Variants in TRHDE observed in about 807,000 individuals in gnomAD.
The protein encoded by TRHDE is thyrotropin releasing hormone degrading enzyme, also known as thyrotropin-releasing hormone-degrading ectoenzyme.
TRHDE carries 72 observed loss-of-function variants against 125.7 expected under a neutral mutation model. The ratio of observed to expected loss-of-function variants is 0.57; its 90% CI spans 0.47 to 0.70. TRHDE has a LOEUF of 0.70. Among genes scored for constraint, TRHDE ranks in the 30% least tolerant of loss-of-function variants. The pLI is 0.00. For synonymous variants in TRHDE, 509 were observed against 509.1 expected, an observed-to-expected ratio of 1.00 and a Z score of 0.00; for missense variants, 1,110 against 1,327.1, an observed-to-expected ratio of 0.84 and a Z score of 2.54.
intron 2 of TRHDE, among the ~76,000 whole-genome samples, chr12:72,125,414 G>T (rs2139304068): frequency 6.6e-6 from 1 of 152,028 alleles, no homozygotes; most frequent in African/African-American, 2.4e-5. Context: ...TGGACCTCAG[G>T]TGCCCATGAT....
rs142744130 is a variant in TRHDE at position 72,146,721 on chromosome 12, C to G, written n.279+40969C>G. On this transcript the variant is annotated intron_variant and non_coding_transcript_variant, in intron 2 of 4. Coordinates refer to the TRHDE transcript ENST00000548156. The stretch of plus-strand genomic sequence containing the variant: ...TGTTACAAAGCTCTTTCAGCTTTGC[C>G]GTCCGCAGACGGCTTCAGTGTTAAT... 4.9e-3 allele frequency among the ~76,000 whole-genome samples: 753 copies of G among 152,292 alleles called. 4 individuals carry two copies. The highest frequency in any genetic ancestry group is 8.5e-3 in the Non-Finnish European group (577 of 68,022).
intron 3 of TRHDE, among the ~76,000 whole-genome samples, chr12:72,454,362 C>G (rs923222301): frequency 3.9e-5 from 6 of 152,008 alleles, no homozygotes; most frequent in Admixed American, 3.9e-4. Context: ...ATTGTTTAAA[C>G]TAATATAATT....
intron 5 of TRHDE, among the ~76,000 whole-genome samples, chr12:72,492,644 A>G (rs1592487366): frequency 6.6e-6 from 1 of 151,882 alleles, no homozygotes; most frequent in African/African-American, 2.4e-5. Context: ...ACAAGAAGGA[A>G]AAACACCAAC....
intron 2 of TRHDE, among the ~76,000 whole-genome samples, chr12:72,293,429 C>G (rs149791187): frequency 2.2e-3 from 336 of 152,230 alleles, no homozygotes; most frequent in Admixed American, 7.3e-3. Flanking sequence ...TACAGATGGA[C>G]CTAGGGCTTG....
chr12:72,469,615 G>T lies in TRHDE; in HGVS notation c.1316-143G>T, dbSNP rs147477507. On this transcript the variant is annotated intron_variant, in intron 3 of 18. Transcript: ENST00000261180. ...ATATTTCTGCTGTCATGTAAAAATG[G>T]CAAGTAGTTTAATTTGCCAAAAAAA... 42 of 754,960 alleles carry T rather than the reference G, an allele frequency of 5.6e-5. 1 individual carries two copies. The East Asian group carries it at 9.0e-4, about 16-fold the overall frequency. The allele number at this position is 754,960 out of a possible 1,614,324, so 46.8% of individuals were successfully genotyped here. A position where few individuals can be genotyped will look rare whatever the true frequency, so the allele number is the denominator to read the frequency against.
chr12:72,384,491 A>T (rs2135784021), intron 3 of TRHDE, among the ~76,000 whole-genome samples: 1 of 152,312 alleles, frequency 6.6e-6, no homozygotes, highest in African/African-American at 2.4e-5. Flanking sequence ...TGAAAGAGGG[A>T]TCATTGTACA....
At chr12:72,209,075 C>T (rs1877725130) in intron 2 of TRHDE, among the ~76,000 whole-genome samples, 1 of 152,176 alleles carries the variant, frequency 6.6e-6, no homozygotes, top group South Asian at 2.1e-4. Context: ...GAGGATCTTC[C>T]ACATGTCTTC....
At chr12:72,481,115 C>G (rs541290828) in intron 5 of TRHDE, among the ~76,000 whole-genome samples, 9 of 152,084 alleles carry the variant, frequency 5.9e-5, no homozygotes, top group Admixed American at 4.6e-4. Flanking sequence ...CATTAATTTT[C>G]TAATTATTAA....
At chr12:72,231,977 T>A (rs1354657472) in intron 2 of TRHDE, among the ~76,000 whole-genome samples, 1 of 152,210 alleles carries the variant, frequency 6.6e-6, no homozygotes, top group African/African-American at 2.4e-5. Context: ...TGTTGAGGAA[T>A]AAAATGAATT....
At chr12:72,659,247 T>C (rs1365445168) in intron 18 of TRHDE, among the ~76,000 whole-genome samples, 1 of 152,230 alleles carries the variant, frequency 6.6e-6, no homozygotes, top group Non-Finnish European at 1.5e-5. Flanking sequence ...TTCCTTTTAA[T>C]TTTAATTGCA....
intron 2 of TRHDE, among the ~76,000 whole-genome samples, chr12:72,202,896 A>G (rs1877588947): frequency 6.6e-6 from 1 of 151,434 alleles, no homozygotes; most frequent in South Asian, 2.1e-4. Flanking sequence ...TTCTTTTTTT[A>G]TGTTTCCCAT....
chr12:72,429,518 A>G (rs1157462634), intron 3 of TRHDE, among the ~76,000 whole-genome samples: 1 of 151,782 alleles, frequency 6.6e-6, no homozygotes, highest in Non-Finnish European at 1.5e-5. Context: ...GTGGATATGT[A>G]TTTTCATTGT....
At chr12:72,655,821 A>G (rs1477859510) in intron 17 of TRHDE, among the ~76,000 whole-genome samples, 3 of 152,142 alleles carry the variant, frequency 2.0e-5, no homozygotes, top group Non-Finnish European at 2.9e-5. Context: ...GATCACTTAC[A>G]TTATTATTGA....
At chr12:72,411,083 G>A (rs1478208136) in intron 3 of TRHDE, among the ~76,000 whole-genome samples, 1 of 151,566 alleles carries the variant, frequency 6.6e-6, no homozygotes, top group African/African-American at 2.4e-5. Context: ...GGCACCTGTA[G>A]TCCCAGCTAC....
At chr12:72,557,881 C>A (rs984696118) in intron 7 of TRHDE, among the ~76,000 whole-genome samples, 1 of 151,772 alleles carries the variant, frequency 6.6e-6, no homozygotes, top group Non-Finnish European at 1.5e-5. Context: ...TTTGGGGGAT[C>A]CTGACAGATA....
chr12:72,444,754 C>T (rs1875191646), intron 3 of TRHDE, among the ~76,000 whole-genome samples: 1 of 151,726 alleles, frequency 6.6e-6, no homozygotes, highest in African/African-American at 2.4e-5. Flanking sequence ...GGAGAGCGAG[C>T]CACTTGATCT....
At chr12:72,629,150 CTT>C (rs1222476963) in intron 15 of TRHDE, among the ~76,000 whole-genome samples, 4 of 151,800 alleles carry the variant, frequency 2.6e-5, no homozygotes, top group Non-Finnish European at 5.9e-5. Flanking sequence ...GCATTAACGA[CTT>C]TATATTCTAA....
intron 5 of TRHDE, among the ~76,000 whole-genome samples, chr12:72,494,235 T>C (rs1877808162): frequency 6.6e-6 from 1 of 152,034 alleles, no homozygotes; most frequent in African/African-American, 2.4e-5. Context: ...TGTATCTGCC[T>C]TTTATCCTAG....
chr12:72,266,931 C>T (rs1477056503), intron 2 of TRHDE, among the ~76,000 whole-genome samples: 2 of 152,060 alleles, frequency 1.3e-5, no homozygotes. Context: ...CATAAGACAG[C>T]ATAAAATGCT....
Sources: gnomAD v4.1 joint callset for allele counts (sites outside exome capture counted in the v4.1 genomes callset) on GRCh38, gnomAD v4.1.1 for gene constraint, MANE v1.5 for transcripts, NCBI Gene and HGNC (gene_info 2026-07-23, HGNC 2026-07-21) for gene names.